The following ACBD3 variants were observed in gnomAD, a reference collection of about 807,000 sequenced individuals.
ACBD3 encodes the protein Golgi resident protein GCP60.
ACBD3 carries 30 observed loss-of-function variants against 66.9 expected under a neutral mutation model. That is an observed-to-expected ratio of 0.45 (90% CI 0.34 to 0.61). The LOEUF (loss-of-function observed/expected upper bound fraction) is 0.61, where lower values mean the gene tolerates loss of function less well. ACBD3 is among the 20% of genes least tolerant of loss of function. The probability of loss-of-function intolerance (pLI) is 0.02; values close to 1 mark genes in which losing one functional copy is unlikely to be tolerated. For missense variants in ACBD3, 544 were observed against 664.5 expected (o/e 0.82, Z 1.99); for synonymous variants, 278 against 259.8 (o/e 1.07, Z -0.68).
At chr1:226,162,205 G>A (rs550786905) in intron 3 of ACBD3, among the ~76,000 whole-genome samples, 6 of 151,522 alleles carry the variant, frequency 4.0e-5, no homozygotes, top group South Asian at 2.1e-4. Flanking sequence ...CTGAAATATC[G>A]CAGAGCCAAA....
chr1:226,180,108 T>G (rs1270892848), intron 1 of ACBD3, among the ~76,000 whole-genome samples: 1 of 150,018 alleles, frequency 6.7e-6, no homozygotes, highest in African/African-American at 2.5e-5. Flanking sequence ...GAGGCGGAGG[T>G]TGCAGTAAGC....
intron 1 of ACBD3, among the ~76,000 whole-genome samples, chr1:226,172,178 ACATTTTCAGTGCTAGTCCTGGTC>A (rs1558129681): frequency 6.7e-6 from 1 of 148,954 alleles, no homozygotes; most frequent in East Asian, 2.0e-4. Flanking sequence ...AAAGAGGAAT[ACATTTTCAGTGCTAGTCCTGGTC>A]AGGCAAACAG....
rs1576230910 is a variant in ACBD3 at position 226,154,795 on chromosome 1, C to T, written c.942G>A (p.Gly314=). ...CTTTTGATGATGTAGGCAAGGAAGACCCAGCCACTACTACTTCCTGTTGTT... is the reference window on the plus strand; with the variant it reads ...CTTTTGATGATGTAGGCAAGGAAGATCCAGCCACTACTACTTCCTGTTGTT... ...LQKQQEVVVA[G]SSLPTSSKVN... Residue 314 remains glycine, a synonymous_variant, in exon 6 of 8, where the codon GGG becomes GGA. Coordinates refer to ENST00000366812, the MANE Select transcript of ACBD3 (RefSeq NM_022735.4). The T allele has an allele frequency of 6.2e-7, 1 of 1,611,774 alleles. No homozygotes were observed. Among genetic ancestry groups the T allele is most frequent in the East Asian group, 2.2e-5 (1 of 44,802 alleles).
chr1:226,175,107 AAAAAG>A (rs1435308101), intron 1 of ACBD3, among the ~76,000 whole-genome samples: 27 of 151,526 alleles, frequency 1.8e-4, no homozygotes, highest in African/African-American at 3.1e-4. Flanking sequence ...AAAAAAAAAA[AAAAAG>A]AAAGAAAAAG....
chr1:226,146,875 C>G (rs1363184690), intron 7 of ACBD3, 54 bp from the exon 8 acceptor site: 20 of 1,526,792 alleles, frequency 1.3e-5, no homozygotes, highest in Middle Eastern at 3.4e-4. Flanking sequence ...ACACTTGCAT[C>G]AGGCAATTAA....
chr1:226,156,695 T>G (rs777247451), intron 5 of ACBD3, among the ~76,000 whole-genome samples: 2 of 152,222 alleles, frequency 1.3e-5, no homozygotes. Context: ...CAATTAAGAT[T>G]TTAAGATATC....
intron 1 of ACBD3, among the ~76,000 whole-genome samples, chr1:226,178,574 CAAAAAA>C (rs57231361): frequency 0.049 from 4,102 of 83,684 alleles, 278 homozygotes; most frequent in African/African-American, 0.18. Flanking sequence ...GACTCCGTCT[CAAAAAA>C]AAAAAAAAAA....
chr1:226,185,370 T>C (rs1030574581), intron 1 of ACBD3, among the ~76,000 whole-genome samples: 3 of 152,214 alleles, frequency 2.0e-5, no homozygotes, highest in Non-Finnish European at 4.4e-5. Context: ...CTACTCAACT[T>C]TGGCTAGTAA....
intron 1 of ACBD3, among the ~76,000 whole-genome samples, chr1:226,184,215 G>C (rs1450062564): frequency 2.0e-5 from 3 of 151,964 alleles, no homozygotes; most frequent in Non-Finnish European, 4.4e-5. Context: ...CAAAACAAAG[G>C]CAGCATTACT....
intron 1 of ACBD3, among the ~76,000 whole-genome samples, chr1:226,185,785 A>G (rs1181970693): frequency 3.3e-5 from 5 of 152,206 alleles, no homozygotes; most frequent in Non-Finnish European, 5.9e-5. Context: ...TTACTAGAAC[A>G]TAGTGGACAT....
At chr1:226,162,958 G>A (rs754548433) in intron 3 of ACBD3, among the ~76,000 whole-genome samples, 1 of 151,648 alleles carries the variant, frequency 6.6e-6, no homozygotes. Flanking sequence ...AACCACATCC[G>A]GCTAATTTTT....
intron 4 of ACBD3, among the ~76,000 whole-genome samples, chr1:226,160,781 C>CT (rs1406480696): frequency 6.6e-6 from 1 of 152,206 alleles, no homozygotes; most frequent in Non-Finnish European, 1.5e-5. Context: ...CTGTCAGTCT[C>CT]TGAGTCTCAA....
At chr1:226,165,063 T>TC (rs768022361) in intron 2 of ACBD3, 134 bp from the exon 3 acceptor site, 3 of 957,158 alleles carry the variant, frequency 3.1e-6, no homozygotes, top group Admixed American at 7.3e-5. Flanking sequence ...GCTCAAAACT[T>TC]CAAGTTTTAA....
At chr1:226,164,701 C>A in intron 3 of ACBD3, 88 bp downstream of exon 3, 2 of 1,380,168 alleles carry the variant, frequency 1.4e-6, no homozygotes, top group East Asian at 2.6e-5. Flanking sequence ...GACACCTGAT[C>A]TAGAACTAGA....
rs148312844 is a variant in ACBD3 at position 226,175,243 on chromosome 1, G to T, written c.287-9243C>A. Among the ~76,000 whole-genome samples the T allele has an allele frequency of 6.6e-5, 10 of 152,134 alleles. No homozygotes were observed. The East Asian group carries it at 1.9e-3, about 29-fold the overall frequency. ...TGACAGTAAAACACATTTTTGGAAA[G>T]GCATGGTCTCATGCACTCTTTTCAC... is the stretch of plus-strand genomic sequence containing the variant. On this transcript the variant is annotated intron_variant, in intron 1 of 7. Coordinates refer to ENST00000366812, the MANE Select transcript of ACBD3 (RefSeq NM_022735.4).
chr1:226,173,757 C>CTTTTTTTTTTTTT (rs145462202), intron 1 of ACBD3, among the ~76,000 whole-genome samples: 12 of 88,322 alleles, frequency 1.4e-4, no homozygotes, highest in Non-Finnish European at 2.3e-4. Flanking sequence ...TTTTTCTTTT[C>CTTTTTTTTTTTTT]TTTTTTTTTT....
intron 1 of ACBD3, among the ~76,000 whole-genome samples, chr1:226,171,170 CAG>C (rs559937560): frequency 9.4e-4 from 141 of 150,048 alleles, no homozygotes; most frequent in African/African-American, 3.3e-3. Flanking sequence ...TTTTCTGAGA[CAG>C]ACTCTCGCTC....
Position 226,164,828 on chromosome 1 carries a change from G to A in ACBD3, c.530C>T (p.Ala177Val), listed in dbSNP as rs1311828818. The change falls in exon 3 of 8, where the codon GCG (alanine) becomes GTG (valine). Residue 177 changes from alanine to valine, a missense_variant. By Grantham distance (64) the Ala-to-Val change is moderately conservative. Around this residue, in one of 3 missense-constraint regions of ACBD3, gnomAD observed 383 missense variants for 462.4 expected, o/e 0.83. Transcript: ENST00000366812. ...CTCTTCCTTCTCTATTTTGTGGGAC[G>A]CAACATATGTTGAAAAGAGATGGCA... ...RCCHLFSTYV[A>V]SHKIEKEEQE... is the part of the protein sequence containing the mutation. 1.7e-5 allele frequency: 27 copies of A among 1,609,656 alleles called. No individual in the cohort carries two copies. The highest frequency in any genetic ancestry group is 2.7e-5 in the African/African-American group (2 of 74,772).
intron 4 of ACBD3, among the ~76,000 whole-genome samples, chr1:226,160,229 T>C (rs1659746776): frequency 1.3e-5 from 2 of 152,018 alleles, no homozygotes; most frequent in Admixed American, 1.3e-4. Context: ...GTAGCTGGGA[T>C]TACAGGCACC....
Sources: allele counts gnomAD v4.1 joint callset (sites outside exome capture counted in the v4.1 genomes callset), GRCh38; gene constraint gnomAD v4.1.1; regional missense constraint gnomAD v4.1.1; transcripts MANE v1.5; gene names NCBI Gene and HGNC (gene_info 2026-07-23, HGNC 2026-07-21).